The following GPRC5B variants were observed in gnomAD, a reference collection of about 807,000 sequenced individuals.
GPRC5B encodes the protein G protein-coupled receptor family C group 5 member B.
GPRC5B carries 16 observed loss-of-function variants against 30.1 expected under a neutral mutation model. The ratio of observed to expected loss-of-function variants is 0.53; its 90% CI spans 0.36 to 0.81. The LOEUF is 0.81. Ranked by LOEUF, GPRC5B falls within the 30% of genes least tolerant of loss-of-function variation. GPRC5B has a pLI of 0.01. For missense variants in GPRC5B, 428 were observed against 544.7 expected, an observed-to-expected ratio of 0.79 and a Z score of 2.13; for synonymous variants, 241 against 239.5, an observed-to-expected ratio of 1.01 and a Z score of -0.06.
chr16:19,882,695 T>C (rs1316241271), intron 1 of GPRC5B, among the ~76,000 whole-genome samples: 1 of 152,190 alleles, frequency 6.6e-6, no homozygotes, highest in African/African-American at 2.4e-5. Flanking sequence ...TCAGATCCCA[T>C]GGCCTCCCAC....
chr16:19,883,600 T>C (rs2056824661), intron 1 of GPRC5B, among the ~76,000 whole-genome samples: 1 of 152,226 alleles, frequency 6.6e-6, no homozygotes, highest in Non-Finnish European at 1.5e-5. Flanking sequence ...CCCCCAGGGC[T>C]TTCTGGGCTC....
chr16:19,871,448 C>T (rs1387388202), intron 2 of GPRC5B, among the ~76,000 whole-genome samples: 1 of 151,560 alleles, frequency 6.6e-6, no homozygotes, highest in Admixed American at 6.6e-5. Context: ...ATGGTGAAAC[C>T]CCATCTCTAC....
At chr16:19,862,783 G>GGT (rs939138247) in intron 2 of GPRC5B, among the ~76,000 whole-genome samples, 1 of 152,080 alleles carries the variant, frequency 6.6e-6, no homozygotes. Context: ...CGGGTATGGT[G>GGT]GTGCACACCT....
chr16:19,860,483 C>A lies in GPRC5B; in HGVS notation c.*17G>T. The A allele has an allele frequency of 6.5e-7, 1 of 1,539,658 alleles. No homozygotes were observed. Among genetic ancestry groups the A allele is most frequent in the Non-Finnish European group, 9.0e-7 (1 of 1,112,664 alleles). ...AATCGGTAAGAGAAATTCTGATTCT[C>A]TGGAACTTAAAGTCTTTCACCAAAG... On this transcript the variant is annotated 3_prime_UTR_variant, in exon 4 of 4. Coordinates refer to ENST00000300571, the MANE Select transcript of GPRC5B (RefSeq NM_016235.3).
chr16:19,875,976 A>G (rs1299857216), intron 1 of GPRC5B, among the ~76,000 whole-genome samples: 1 of 152,138 alleles, frequency 6.6e-6, no homozygotes, highest in Non-Finnish European at 1.5e-5. Context: ...ACAGTCCCCG[A>G]CCCAGTGGAG....
Position 19,872,210 on chromosome 16 carries a change from C to T in GPRC5B, c.636G>A (p.Val212=). The change falls in exon 2 of 4, where the codon GTG becomes GTA. Residue 212 remains valine, a synonymous_variant. Coordinates refer to ENST00000300571, the MANE Select transcript of GPRC5B (RefSeq NM_016235.3). The surrounding 1 kb of genome is among the most constrained non-coding windows in gnomAD (Gnocchi z 5.0). ...MALIYDMVLL[V]VTLGLALFTL... ...TGAAGAGGGCCAGCCCCAGGGTGAC[C>T]ACAAGCAGTACCATGTCGTAGATGA... 3 of 1,614,166 alleles carry T rather than the reference C, an allele frequency of 1.9e-6. No individual in the cohort carries two copies. The highest frequency in any genetic ancestry group is 2.5e-6 in the Non-Finnish European group (3 of 1,180,036).
rs1185375136 is a variant in GPRC5B, at chr16:19,884,055, GC to G, written c.-2+671del. ...AGCCGCCTCTTCCAGAGGTCCAAGT[GC>G]CCCCTGTCTGGAAGGGAAACGCCAC... is the stretch of plus-strand genomic sequence containing the variant. On this transcript the variant is annotated intron_variant, in intron 1 of 3. Transcript: ENST00000300571. Among the ~76,000 whole-genome samples the G allele has an allele frequency of 2.6e-5, 4 of 151,204 alleles. No homozygotes were observed. In the East Asian group the frequency reaches 5.9e-4, roughly 22 times the overall value.
chr16:19,868,365 CTCCA>C (rs2056683614), intron 2 of GPRC5B, among the ~76,000 whole-genome samples: 1 of 151,684 alleles, frequency 6.6e-6, no homozygotes, highest in Non-Finnish European at 1.5e-5. Context: ...AAGAGTGAAA[CTCCA>C]TCTCAAGAAA....
In GPRC5B at chr16:19,858,526, C is replaced by G; in HGVS notation, c.*1974G>C. On this transcript the variant is annotated 3_prime_UTR_variant, in exon 4 of 4. Transcript: ENST00000300571. ...GAAAGCTCCAAAGGACTCCAGAGAGCGGGGGTGAGTAACCATTTCCTGGCA... is the reference window on the plus strand; with the variant it reads ...GAAAGCTCCAAAGGACTCCAGAGAGGGGGGGTGAGTAACCATTTCCTGGCA... 1 of 692,632 alleles carries G rather than the reference C, an allele frequency of 1.4e-6. No individual in the cohort carries two copies. The highest frequency in any genetic ancestry group is 1.5e-5 in the South Asian group (1 of 65,798). 42.9% of individuals were successfully genotyped at this position (692,632 alleles called of 1,614,324 possible).
intron 1 of GPRC5B, among the ~76,000 whole-genome samples, chr16:19,877,525 C>T (rs929148770): frequency 6.6e-6 from 1 of 152,144 alleles, no homozygotes; most frequent in Non-Finnish European, 1.5e-5. Flanking sequence ...CAGACTGACA[C>T]TGAGGCAGCT....
chr16:19,881,889 A>G (rs2056809854), intron 1 of GPRC5B, among the ~76,000 whole-genome samples: 1 of 152,224 alleles, frequency 6.6e-6, no homozygotes, highest in African/African-American at 2.4e-5. Flanking sequence ...GCCTGGGACT[A>G]GCCCCCATTT....
Position 19,861,087 on chromosome 16 carries a change from T to TAAAAAAAAAAAAAAAAAAAAAAAA in GPRC5B, c.1168-544_1168-543insTTTTTTTTTTTTTTTTTTTTTTTT, listed in dbSNP as rs3067833. On this transcript the variant is annotated intron_variant, in intron 3 of 3. Coordinates refer to ENST00000300571, the MANE Select transcript of GPRC5B (RefSeq NM_016235.3). ...GATCAAAGACCATCCCTGATTTACA[T>TAAAAAAAAAAAAAAAAAAAAAAAA]AAAAAAAAAAAAAAAAAGAAGAATG... Among the ~76,000 whole-genome samples, 37 of 93,372 alleles carry TAAAAAAAAAAAAAAAAAAAAAAAA rather than the reference T, an allele frequency of 4.0e-4. 1 individual carries two copies. The highest frequency in any genetic ancestry group is 1.8e-3 in the African/African-American group (37 of 20,482). 61.3% of individuals were successfully genotyped at this position (93,372 alleles called of 152,430 possible).
rs1161439030 is a variant in GPRC5B at position 19,859,737 on chromosome 16, A to G, written c.*763T>C. The G allele has an allele frequency of 6.5e-6, 1 of 152,740 alleles. No individual in the cohort carries two copies. Among genetic ancestry groups the G allele is most frequent in the Non-Finnish European group, 1.5e-5 (1 of 68,172 alleles). The allele number at this position is 152,740 out of a possible 1,614,324, so 9.5% of individuals were successfully genotyped here. A position where few individuals can be genotyped will look rare whatever the true frequency, so the allele number is the denominator to read the frequency against. ...AGAAGGGACTGCTGCCCCAAGCCAG[A>G]ATATTTCTATGGCTCTACAAGGGAA... On this transcript the variant is annotated 3_prime_UTR_variant, in exon 4 of 4. Transcript: ENST00000300571.
chr16:19,866,131 A>G (rs1469529391), intron 2 of GPRC5B, among the ~76,000 whole-genome samples: 2 of 151,600 alleles, frequency 1.3e-5, no homozygotes, highest in Non-Finnish European at 2.9e-5. Context: ...GTTTTACCAT[A>G]TTGGCCAGGC....
chr16:19,872,334 A>G lies in GPRC5B; in HGVS notation c.512T>C (p.Leu171Pro). 6.2e-7 allele frequency: 1 copy of G among 1,614,030 alleles called. No individual in the cohort carries two copies. ...CTCCACAGCGATGATGACTTGCACC[A>G]GCATCAGGCACAGCGCCAGGCCCAC... is the stretch of plus-strand genomic sequence containing the variant. ...QLVGLALCLMLVQVIIAVEWL... is the reference protein window; with the variant it reads ...QLVGLALCLMPVQVIIAVEWL... The change falls in exon 2 of 4, where the codon CTG (leucine) becomes CCG (proline). Residue 171 changes from leucine (L) to proline (P), a missense_variant. By Grantham distance (98) the Leu-to-Pro change is moderately conservative. Coordinates refer to ENST00000300571, the MANE Select transcript of GPRC5B (RefSeq NM_016235.3). This position sits in a 1 kb window ranked among gnomAD's most constrained non-coding sequence, Gnocchi z 5.0.
chr16:19,880,639 TGTAA>T (rs1207013997), intron 1 of GPRC5B, among the ~76,000 whole-genome samples: 16 of 152,210 alleles, frequency 1.1e-4, no homozygotes, highest in Non-Finnish European at 1.5e-4. Context: ...CAGCAGGTGC[TGTAA>T]GTGAGAGCCT....
intron 2 of GPRC5B, among the ~76,000 whole-genome samples, chr16:19,867,045 CTGCTCTGCCGTGTATT>C (rs1338495735): frequency 6.6e-6 from 1 of 152,196 alleles, no homozygotes; most frequent in Admixed American, 6.5e-5. Context: ...TTTTCCCTTC[CTGCTCTGCCGTGTATT>C]TATAGCCTAT....
rs201752264 is a variant in GPRC5B, at chr16:19,856,728, AAGAAAGG to A, written c.*3765_*3771del. ...AAGCTTTAATGCAAATAGTTTAGAA[AAGAAAGG>A]ACCAGTCTTCACTTTCTGCATTATC... On this transcript the variant is annotated 3_prime_UTR_variant, in exon 4 of 4. Transcript: ENST00000300571. 56 of 585,580 alleles carry A rather than the reference AAGAAAGG, an allele frequency of 9.6e-5. No homozygotes were observed. The East Asian group carries it at 1.5e-3, about 16-fold the overall frequency. 36.3% of individuals were successfully genotyped at this position (585,580 alleles called of 1,614,324 possible).
chr16:19,869,427 T>G (rs148879845), intron 2 of GPRC5B, among the ~76,000 whole-genome samples: 287 of 152,094 alleles, frequency 1.9e-3, no homozygotes, highest in African/African-American at 6.0e-3. Flanking sequence ...TTATTATTAT[T>G]AATGTTGTAG....
Sources: allele counts gnomAD v4.1 joint callset (sites outside exome capture counted in the v4.1 genomes callset), GRCh38; gene constraint gnomAD v4.1.1; non-coding constraint Gnocchi (gnomAD v3.1); transcripts MANE v1.5; gene names NCBI Gene and HGNC (gene_info 2026-07-23, HGNC 2026-07-21).